MYO1D: variants seen among roughly 807,000 people sequenced by gnomAD.
The protein encoded by MYO1D is myosin ID.
A neutral mutation model predicts 122.0 loss-of-function variants in MYO1D; 83 were observed. The ratio of observed to expected loss-of-function variants is 0.68; its 90% CI spans 0.57 to 0.82. The LOEUF (loss-of-function observed/expected upper bound fraction) is 0.82. Among genes scored for constraint, MYO1D ranks in the 40% least tolerant of loss-of-function variants. The pLI is 0.00. For missense variants in MYO1D, 1,157 were observed against 1,269.5 expected, an observed-to-expected ratio of 0.91 and a Z score of 1.35; for synonymous variants, 464 against 446.9, an observed-to-expected ratio of 1.04 and a Z score of -0.48.
chr17:32,532,441 G>T (rs1299286012), intron 21 of MYO1D, among the ~76,000 whole-genome samples: 2 of 152,184 alleles, frequency 1.3e-5, no homozygotes, highest in African/African-American at 2.4e-5. Context: ...AAAAGTAGAA[G>T]AAGGGGCCGG....
chr17:32,561,970 C>A (rs1322945963), intron 21 of MYO1D, among the ~76,000 whole-genome samples: 1 of 148,692 alleles, frequency 6.7e-6, no homozygotes, highest in East Asian at 2.0e-4. Context: ...TCAGCATAAA[C>A]CATTTTGGCA....
intron 1 of MYO1D, among the ~76,000 whole-genome samples, chr17:32,837,415 A>G (rs954977587): frequency 6.6e-6 from 1 of 151,926 alleles, no homozygotes; most frequent in African/African-American, 2.4e-5. Flanking sequence ...GTTAATGGCT[A>G]TGCATTACTC....
chr17:32,605,541 C>T (rs62068385), intron 20 of MYO1D, among the ~76,000 whole-genome samples: 17,848 of 151,836 alleles, frequency 0.12, 1,215 homozygotes, highest in South Asian at 0.27. Flanking sequence ...TAATAAAGAG[C>T]AGAAATGAAC....
chr17:32,863,437 T>C (rs2091095002), intron 1 of MYO1D, among the ~76,000 whole-genome samples: 1 of 152,238 alleles, frequency 6.6e-6, no homozygotes, highest in Admixed American at 6.5e-5. Flanking sequence ...TCCTTTTTTA[T>C]ACACCCTTCT....
chr17:32,715,754 T>A (rs188234170), intron 15 of MYO1D, among the ~76,000 whole-genome samples: 2 of 152,282 alleles, frequency 1.3e-5, no homozygotes, highest in East Asian at 3.9e-4. Context: ...GATTTATATA[T>A]CCAATGTCTA....
intron 16 of MYO1D, among the ~76,000 whole-genome samples, chr17:32,665,617 G>A (rs900132259): frequency 6.6e-6 from 1 of 152,142 alleles, no homozygotes; most frequent in African/African-American, 2.4e-5. Flanking sequence ...ATAACTTATG[G>A]TTTTATTTTT....
At chr17:32,544,662 GT>G (rs1238786591) in intron 21 of MYO1D, among the ~76,000 whole-genome samples, 3 of 152,190 alleles carry the variant, frequency 2.0e-5, no homozygotes, top group African/African-American at 7.2e-5. Context: ...TATGCTAGAT[GT>G]TTTGGAAAGT....
intron 21 of MYO1D, among the ~76,000 whole-genome samples, chr17:32,597,887 A>AG (rs922692893): frequency 3.5e-5 from 5 of 141,182 alleles, no homozygotes; most frequent in African/African-American, 1.6e-4. Flanking sequence ...AAAAAAAAAA[A>AG]AAAAAGAAAT....
At chr17:32,736,132 A>G (rs1176796475) in intron 14 of MYO1D, among the ~76,000 whole-genome samples, 1 of 149,288 alleles carries the variant, frequency 6.7e-6, no homozygotes, top group Non-Finnish European at 1.5e-5. Context: ...TATTGTACTG[A>G]TAAGTTGTCT....
intron 1 of MYO1D, among the ~76,000 whole-genome samples, chr17:32,830,851 A>G (rs2090765457): frequency 6.6e-6 from 1 of 152,196 alleles, no homozygotes; most frequent in Non-Finnish European, 1.5e-5. Flanking sequence ...CGAAGTCAGG[A>G]GATGGAGACC....
chr17:32,535,887 A>G (rs994727837), intron 21 of MYO1D, among the ~76,000 whole-genome samples: 1 of 152,252 alleles, frequency 6.6e-6, no homozygotes, highest in Non-Finnish European at 1.5e-5. Context: ...TTGAGGGAGA[A>G]GGGCAAATTT....
At position 32,511,147 on chromosome 17, in the gene MYO1D, T is replaced by G. The variant is rs573051521; in HGVS notation, c.2865-16232A>C. Among the ~76,000 whole-genome samples the G allele has an allele frequency of 2.0e-5, 3 of 151,698 alleles. No individual in the cohort carries two copies. In the East Asian group the frequency reaches 5.8e-4, roughly 29 times the overall value. Reference sequence around the variant, plus strand: ...CCTCCCACATCAATCAGAGGACATCTGTCCTTTCCTCCCCTTCTCTTCACG... The same window carrying G: ...CCTCCCACATCAATCAGAGGACATCGGTCCTTTCCTCCCCTTCTCTTCACG... On this transcript the variant is annotated intron_variant, in intron 21 of 21. Transcript: ENST00000318217.
At chr17:32,534,839 G>T (rs968272146) in intron 21 of MYO1D, among the ~76,000 whole-genome samples, 2 of 152,138 alleles carry the variant, frequency 1.3e-5, no homozygotes, top group African/African-American at 4.8e-5. Flanking sequence ...GAATGGAATT[G>T]AGTGAGCGAA....
intron 21 of MYO1D, among the ~76,000 whole-genome samples, chr17:32,597,067 T>C (rs544720173): frequency 9.9e-5 from 15 of 152,196 alleles, no homozygotes; most frequent in Non-Finnish European, 1.9e-4. Context: ...GAGGCTATAT[T>C]TGGGATTGTT....
At chr17:32,788,969 T>C (rs2090324867) in intron 1 of MYO1D, among the ~76,000 whole-genome samples, 1 of 151,890 alleles carries the variant, frequency 6.6e-6, no homozygotes, top group South Asian at 2.1e-4. Context: ...TTCACCTCCT[T>C]GGTTAAGTAT....
At chr17:32,808,882 T>C (rs963109002) in intron 1 of MYO1D, among the ~76,000 whole-genome samples, 3 of 152,178 alleles carry the variant, frequency 2.0e-5, no homozygotes, top group Non-Finnish European at 2.9e-5. Context: ...CTACCTACTT[T>C]ATGATATTTT....
chr17:32,683,183 C>T (rs1475025621), intron 16 of MYO1D, among the ~76,000 whole-genome samples: 2 of 148,246 alleles, frequency 1.3e-5, no homozygotes, highest in South Asian at 4.4e-4. Flanking sequence ...ACTTCTTTGC[C>T]TTTGGTTTGA....
At chr17:32,650,996 T>C (rs1309690894) in intron 19 of MYO1D, among the ~76,000 whole-genome samples, 1 of 152,212 alleles carries the variant, frequency 6.6e-6, no homozygotes, top group Non-Finnish European at 1.5e-5. Context: ...GCTGGATATT[T>C]TTGTATTCCT....
At chr17:32,585,907 CA>C (rs2087383501) in intron 21 of MYO1D, among the ~76,000 whole-genome samples, 1 of 151,864 alleles carries the variant, frequency 6.6e-6, no homozygotes, top group Non-Finnish European at 1.5e-5. Flanking sequence ...ATATTAAGTG[CA>C]AAAAACTTTT....
Sources: gnomAD v4.1 joint callset for allele counts (sites outside exome capture counted in the v4.1 genomes callset) on GRCh38, gnomAD v4.1.1 for gene constraint, MANE v1.5 for transcripts, NCBI Gene and HGNC (gene_info 2026-07-23, HGNC 2026-07-21) for gene names.